Variants in AK8 observed in about 807,000 individuals in gnomAD.
AK8 encodes ATP-AMP transphosphorylase 8.
In AK8, 44 loss-of-function variants were observed where a neutral mutation model predicts 54.6. The observed-to-expected ratio is 0.81, with a 90% CI of 0.63 to 1.04. The LOEUF (loss-of-function observed/expected upper bound fraction) is 1.04, where lower values mean the gene tolerates loss of function less well. Ranked by LOEUF, AK8 falls within the 50% of genes least tolerant of loss-of-function variation. The pLI is 0.00. For missense variants in AK8, 555 were observed against 613.6 expected, an observed-to-expected ratio of 0.90 and a Z score of 1.01; for synonymous variants, 239 against 245.6, an observed-to-expected ratio of 0.97 and a Z score of 0.25.
intron 9 of AK8, among the ~76,000 whole-genome samples, chr9:132,816,171 T>G (rs564980786): frequency 1.5e-4 from 23 of 152,076 alleles, no homozygotes; most frequent in African/African-American, 4.1e-4. Context: ...CTGGCCAATA[T>G]GGTGAAACTC....
At chr9:132,804,558 C>A (rs1329518439) in intron 10 of AK8, among the ~76,000 whole-genome samples, 2 of 151,928 alleles carry the variant, frequency 1.3e-5, no homozygotes, top group African/African-American at 4.8e-5. Flanking sequence ...ACAGGCTCTT[C>A]CCAGGGAGGG....
At chr9:132,796,594 A>G (rs1241034881) in intron 10 of AK8, among the ~76,000 whole-genome samples, 1 of 152,242 alleles carries the variant, frequency 6.6e-6, no homozygotes, top group East Asian at 1.9e-4. Flanking sequence ...ATAGAATATT[A>G]GACAACCTTT....
intron 5 of AK8, among the ~76,000 whole-genome samples, chr9:132,833,421 G>A (rs1330983064): frequency 6.6e-6 from 1 of 152,196 alleles, no homozygotes; most frequent in Admixed American, 6.5e-5. Flanking sequence ...CGGGTCTCAC[G>A]TCCAGGAGTG....
At chr9:132,778,549 A>G (rs556924866) in intron 11 of AK8, among the ~76,000 whole-genome samples, 188 of 152,316 alleles carry the variant, frequency 1.2e-3, no homozygotes, top group Non-Finnish European at 2.3e-3. Flanking sequence ...CTTTGGTCCT[A>G]CTGCTGTCCT....
chr9:132,755,074 C>T (rs1354637571), intron 11 of AK8, among the ~76,000 whole-genome samples: 2 of 152,230 alleles, frequency 1.3e-5, no homozygotes, highest in African/African-American at 4.8e-5. Context: ...GATGGGATTA[C>T]AGGCATGAGC....
At chr9:132,738,318 G>C (rs1386564088) in intron 11 of AK8, among the ~76,000 whole-genome samples, 1 of 152,132 alleles carries the variant, frequency 6.6e-6, no homozygotes, top group African/African-American at 2.4e-5. Flanking sequence ...CTCCCAAAGT[G>C]CTGGGATTAC....
In AK8 at chr9:132,725,928, G is replaced by C. The variant is rs776905012; in HGVS notation, c.1203-3C>G. 23 of 1,608,558 alleles carry C rather than the reference G, an allele frequency of 1.4e-5. No homozygotes were observed. The South Asian group carries it at 2.3e-4, about 16-fold the overall frequency. On this transcript the variant is annotated splice_region_variant and splice_polypyrimidine_tract_variant and intron_variant, in intron 12 of 12. Coordinates refer to ENST00000298545, the MANE Select transcript of AK8 (RefSeq NM_152572.3). The stretch of plus-strand genomic sequence containing the variant: ...GTGGCTTGTACATGAGGTGGTACCT[G>C]CAAGGGAGGAAGGAAAGCAGGTGAC...
At position 132,826,768 on chromosome 9, in the gene AK8, C is replaced by A; in HGVS notation, c.757+86G>T. On this transcript the variant is annotated intron_variant, in intron 8 of 12. Transcript: ENST00000298545. This position sits in a 1 kb window ranked among gnomAD's most constrained non-coding sequence, Gnocchi z 4.5. ...GGCATGTCCCAGACACTGGCCACTA[C>A]CAGAATAAGGGACAAAGTGGTAGAA... 6.8e-7 allele frequency: 1 copy of A among 1,465,596 alleles called. No homozygotes were observed. The highest frequency in any genetic ancestry group is 9.5e-7 in the Non-Finnish European group (1 of 1,056,102). 90.8% of individuals were successfully genotyped at this position (1,465,596 alleles called of 1,614,324 possible). A position where few individuals can be genotyped will look rare whatever the true frequency, so the allele number is the denominator to read the frequency against.
chr9:132,824,600 A>C (rs1841797564), intron 8 of AK8, among the ~76,000 whole-genome samples: 1 of 152,238 alleles, frequency 6.6e-6, no homozygotes, highest in African/African-American at 2.4e-5. Flanking sequence ...CTGCAGCACA[A>C]CCGCAAGGTA....
chr9:132,832,765 A>C (rs917289948), intron 5 of AK8, among the ~76,000 whole-genome samples: 3 of 152,242 alleles, frequency 2.0e-5, no homozygotes, highest in African/African-American at 7.2e-5. Flanking sequence ...TTTTCACCAG[A>C]GAAAGCGGGA....
intron 11 of AK8, among the ~76,000 whole-genome samples, chr9:132,744,127 T>G (rs1323203788): frequency 6.6e-6 from 1 of 151,982 alleles, no homozygotes; most frequent in Non-Finnish European, 1.5e-5. Context: ...ACGTAGGGGG[T>G]GTGCCGGCTC....
At chr9:132,836,829 A>G (rs900411730) in intron 5 of AK8, among the ~76,000 whole-genome samples, 1 of 152,190 alleles carries the variant, frequency 6.6e-6, no homozygotes, top group Non-Finnish European at 1.5e-5. Context: ...AGCCCATGTG[A>G]CTGTTTCCTT....
intron 11 of AK8, among the ~76,000 whole-genome samples, chr9:132,761,149 C>T (rs1838441049): frequency 6.6e-6 from 1 of 152,052 alleles, no homozygotes; most frequent in Non-Finnish European, 1.5e-5. Flanking sequence ...TAGATTTCAC[C>T]TGTAAAAGGC....
chr9:132,734,369 C>T (rs1590168354), intron 11 of AK8, among the ~76,000 whole-genome samples: 2 of 152,260 alleles, frequency 1.3e-5, no homozygotes, highest in Middle Eastern at 3.4e-3. Context: ...GAGCTTTGAG[C>T]GTACTGAGGC....
In AK8 at chr9:132,745,368, G is replaced by A. The variant is rs1305207408; in HGVS notation, c.1122-17834C>T. Among the ~76,000 whole-genome samples, 4 of 152,248 alleles carry A rather than the reference G, an allele frequency of 2.6e-5. No homozygotes were observed. The East Asian group carries it at 5.8e-4, about 22-fold the overall frequency. On this transcript the variant is annotated intron_variant, in intron 11 of 12. Coordinates refer to ENST00000298545, the MANE Select transcript of AK8 (RefSeq NM_152572.3). ...GCGGCTAATTGCTCGACTTTACGGG[G>A]CTGTCACAGATAGCCATGCATATTT...
rs529567703 is a variant in AK8 at position 132,865,731 on chromosome 9, T to C, written c.219+1173A>G. ...GGGAGGCTGAGGCAGAAGAATTGCTTGAACCCAGGAGGCGGAGGTCGCAGT... is the reference window on the plus strand; with the variant it reads ...GGGAGGCTGAGGCAGAAGAATTGCTCGAACCCAGGAGGCGGAGGTCGCAGT... On this transcript the variant is annotated intron_variant, in intron 3 of 12. Coordinates refer to ENST00000298545, the MANE Select transcript of AK8 (RefSeq NM_152572.3). Among the ~76,000 whole-genome samples the C allele has an allele frequency of 5.3e-5, 8 of 151,906 alleles. No individual in the cohort carries two copies. In the East Asian group the frequency reaches 1.6e-3, roughly 30 times the overall value.
chr9:132,804,434 G>A (rs940198781), intron 10 of AK8, among the ~76,000 whole-genome samples: 2 of 152,150 alleles, frequency 1.3e-5, no homozygotes, highest in African/African-American at 4.8e-5. Flanking sequence ...CCAAAGGCTG[G>A]GGGGAGGTCA....
chr9:132,761,747 T>C (rs1163812809), intron 11 of AK8, among the ~76,000 whole-genome samples: 1 of 152,166 alleles, frequency 6.6e-6, no homozygotes, highest in Non-Finnish European at 1.5e-5. Flanking sequence ...ATTTCAAATA[T>C]GTCAATCTGT....
At chr9:132,869,009 T>C (rs892591480) in intron 2 of AK8, among the ~76,000 whole-genome samples, 19 of 151,980 alleles carry the variant, frequency 1.3e-4, no homozygotes, top group Admixed American at 1.1e-3. Flanking sequence ...TGAAACCCCA[T>C]CTCTACTGAA....
Sources: gnomAD v4.1 joint callset for allele counts (sites outside exome capture counted in the v4.1 genomes callset) on GRCh38, gnomAD v4.1.1 for gene constraint, Gnocchi (gnomAD v3.1) non-coding constraint, MANE v1.5 for transcripts, NCBI Gene and HGNC (gene_info 2026-07-23, HGNC 2026-07-21) for gene names.